Variants in AGPAT4 observed in about 807,000 individuals in gnomAD.
AGPAT4 encodes the protein 1-acyl-sn-glycerol-3-phosphate acyltransferase delta.
AGPAT4 carries 15 observed loss-of-function variants against 48.0 expected under a neutral mutation model. That is an observed-to-expected ratio of 0.31 (90% CI 0.21 to 0.48). The LOEUF (loss-of-function observed/expected upper bound fraction) is 0.48, where lower values mean the gene tolerates loss of function less well. AGPAT4 is among the 20% of genes least tolerant of loss of function. The pLI, the probability that AGPAT4 is intolerant of heterozygous loss-of-function variation, is 0.99. For synonymous variants in AGPAT4, 178 were observed against 198.7 expected (o/e 0.90, Z 0.88); for missense variants, 314 against 482.5 (o/e 0.65, Z 3.27).
chr6:161,227,221 T>C (rs1782004587), intron 2 of AGPAT4, among the ~76,000 whole-genome samples: 1 of 152,198 alleles, frequency 6.6e-6, no homozygotes, highest in African/African-American at 2.4e-5. Context: ...CGGCCTCTAG[T>C]AGGTCTCCTT....
intron 2 of AGPAT4, among the ~76,000 whole-genome samples, chr6:161,199,660 T>G (rs188606991): frequency 1.3e-5 from 2 of 152,244 alleles, no homozygotes; most frequent in Non-Finnish European, 2.9e-5. Flanking sequence ...TGGGGTGGAT[T>G]TCCCCCTTGC....
In AGPAT4 at chr6:161,246,399, T is replaced by C. The variant is rs902043707; in HGVS notation, c.-89-14097A>G. On this transcript the variant is annotated intron_variant, in intron 1 of 8. Transcript: ENST00000320285. This position sits in a 1 kb window ranked among gnomAD's most constrained non-coding sequence, Gnocchi z 5.5. Reference sequence around the variant, plus strand: ...TAACATTGCATTAGACTTCTGAGCATAGGCACAGGGGATTCTTTTTTTTTT... The same window carrying C: ...TAACATTGCATTAGACTTCTGAGCACAGGCACAGGGGATTCTTTTTTTTTT... 2.0e-5 allele frequency among the ~76,000 whole-genome samples: 3 copies of C among 151,390 alleles called. No homozygotes were observed. Among genetic ancestry groups the C allele is most frequent in the Non-Finnish European group, 4.4e-5 (3 of 68,008 alleles).
chr6:161,188,291 T>G (rs543670721), intron 2 of AGPAT4, among the ~76,000 whole-genome samples: 2 of 152,346 alleles, frequency 1.3e-5, no homozygotes, highest in Admixed American at 6.5e-5. Context: ...TAATTTTGTC[T>G]CTCTTCTAGT....
rs558840577 is a variant in AGPAT4 at position 161,254,206 on chromosome 6, C to T, written c.-90+19732G>A. Among the ~76,000 whole-genome samples, 480 of 152,276 alleles carry T rather than the reference C, an allele frequency of 3.2e-3. 2 individuals are homozygous for T. Among genetic ancestry groups the T allele is most frequent in the African/African-American group, 0.011 (449 of 41,538 alleles). ...TTTTCTACTGCATTTTTTAAGATCA[C>T]ATGAGTATGTTAACATATGTCACTT... On this transcript the variant is annotated intron_variant, in intron 1 of 8. Transcript: ENST00000320285. The surrounding 1 kb of genome is among the most constrained non-coding windows in gnomAD (Gnocchi z 5.9).
At chr6:161,192,453 A>G (rs1780954125) in intron 2 of AGPAT4, among the ~76,000 whole-genome samples, 2 of 152,120 alleles carry the variant, frequency 1.3e-5, no homozygotes, top group African/African-American at 4.8e-5. Flanking sequence ...ACCTGGCTGG[A>G]AGTCATATAT....
chr6:161,184,045 A>T lies in AGPAT4; in HGVS notation c.179-17628T>A, dbSNP rs1780692887. Among the ~76,000 whole-genome samples, 1 of 152,126 alleles carries T rather than the reference A, an allele frequency of 6.6e-6. No individual in the cohort carries two copies. Among genetic ancestry groups the T allele is most frequent in the Admixed American group, 6.5e-5 (1 of 15,276 alleles). On this transcript the variant is annotated intron_variant, in intron 2 of 8. Transcript: ENST00000320285. This position sits in a 1 kb window ranked among gnomAD's most constrained non-coding sequence, Gnocchi z 4.8. ...GTATGACTTGATCCACCTGAAATAC[A>T]GTCTACTAGAACCTGTGCCACAAAG...
chr6:161,249,853 T>G lies in AGPAT4; in HGVS notation c.-89-17551A>C, dbSNP rs775604437. On this transcript the variant is annotated intron_variant, in intron 1 of 8. Transcript: ENST00000320285. The surrounding 1 kb of genome is among the most constrained non-coding windows in gnomAD (Gnocchi z 6.2). ...TAAATCGTTCTATCATAAAGACACA[T>G]GCACGCTTATGTTCATTGCAGTACT... 6.6e-6 allele frequency among the ~76,000 whole-genome samples: 1 copy of G among 152,210 alleles called. No individual in the cohort carries two copies. Among genetic ancestry groups the G allele is most frequent in the African/African-American group, 2.4e-5 (1 of 41,452 alleles).
Position 161,232,347 on chromosome 6 carries a change from C to T in AGPAT4, c.-89-45G>A. 3 of 872,924 alleles carry T rather than the reference C, an allele frequency of 3.4e-6. No individual in the cohort carries two copies. Among genetic ancestry groups the T allele is most frequent in the Non-Finnish European group, 5.1e-6 (3 of 588,578 alleles). The allele number at this position is 872,924 out of a possible 1,614,324, so 54.1% of individuals were successfully genotyped here. On this transcript the variant is annotated intron_variant, in intron 1 of 8. Coordinates refer to ENST00000320285, the MANE Select transcript of AGPAT4 (RefSeq NM_020133.3). This position sits in a 1 kb window ranked among gnomAD's most constrained non-coding sequence, Gnocchi z 6.8. ...GAAATGTTAGCAAAAACACGATGTGCTTTTAGAGTCAGAAAAAAAGTGCTC... is the reference window on the plus strand; with the variant it reads ...GAAATGTTAGCAAAAACACGATGTGTTTTTAGAGTCAGAAAAAAAGTGCTC...
chr6:161,224,976 C>T lies in AGPAT4; in HGVS notation c.178+7060G>A, dbSNP rs371108715. ...AACTTCCTCGTAAAGCAACCTGTTT[C>T]GATTACCTGCTCCACCCTGACTCAT... On this transcript the variant is annotated intron_variant, in intron 2 of 8. Coordinates refer to ENST00000320285, the MANE Select transcript of AGPAT4 (RefSeq NM_020133.3). 1.5e-4 allele frequency among the ~76,000 whole-genome samples: 23 copies of T among 152,308 alleles called. No individual in the cohort carries two copies. The East Asian group carries it at 1.7e-3, about 12-fold the overall frequency.
chr6:161,219,923 CAGGCA>C lies in AGPAT4; in HGVS notation c.178+12108_178+12112del, dbSNP rs1781782551. 8.3e-6 allele frequency among the ~76,000 whole-genome samples: 1 copy of C among 121,152 alleles called. No individual in the cohort carries two copies. Among genetic ancestry groups the C allele is most frequent in the Non-Finnish European group, 1.9e-5 (1 of 52,824 alleles). The allele number at this position is 121,152 out of a possible 152,430, so 79.5% of individuals were successfully genotyped here. ...GGCAGGCAGGCAGGCAGGCGGCAGG[CAGGCA>C]GGCAGGCAGGCAGGCAGGCAGACAG... On this transcript the variant is annotated intron_variant, in intron 2 of 8. Coordinates refer to ENST00000320285, the MANE Select transcript of AGPAT4 (RefSeq NM_020133.3). The surrounding 1 kb of genome is among the most constrained non-coding windows in gnomAD (Gnocchi z 4.9).
rs538107732 is a variant in AGPAT4, at chr6:161,141,591, A to T, written c.844-1971T>A. 3.9e-3 allele frequency among the ~76,000 whole-genome samples: 598 copies of T among 151,644 alleles called. 3 individuals carry two copies. The highest frequency in any genetic ancestry group is 0.014 in the African/African-American group (579 of 41,262). On this transcript the variant is annotated intron_variant, in intron 7 of 8. Transcript: ENST00000320285. This position sits in a 1 kb window ranked among gnomAD's most constrained non-coding sequence, Gnocchi z 6.7. Reference sequence around the variant, plus strand: ...TATTTTTGTGCCTTGTTTTTTTTTAAAAAAAAAACAGCTTTCTTAAGATGT... The same window carrying T: ...TATTTTTGTGCCTTGTTTTTTTTTATAAAAAAAACAGCTTTCTTAAGATGT...
At chr6:161,241,195 G>C (rs932611506) in intron 1 of AGPAT4, among the ~76,000 whole-genome samples, 1 of 150,154 alleles carries the variant, frequency 6.7e-6, no homozygotes, top group Non-Finnish European at 1.5e-5. Flanking sequence ...CCCAGGAGGT[G>C]GAGGTTGCAG....
At chr6:161,156,215 T>C (rs1023237665) in intron 3 of AGPAT4, among the ~76,000 whole-genome samples, 1 of 152,188 alleles carries the variant, frequency 6.6e-6, no homozygotes, top group Non-Finnish European at 1.5e-5. Context: ...TACCAGATCT[T>C]GTATAACACT....
In AGPAT4 at chr6:161,157,523, G is replaced by C. The variant is rs183911697; in HGVS notation, c.349-3213C>G. On this transcript the variant is annotated intron_variant, in intron 3 of 8. Coordinates refer to ENST00000320285, the MANE Select transcript of AGPAT4 (RefSeq NM_020133.3). ...ACACAGGGTCTTACCATGTTGGCCA[G>C]GCTAGTCTCTAACTGCTGACCTCAG... Among the ~76,000 whole-genome samples, 952 of 152,284 alleles carry C rather than the reference G, an allele frequency of 6.3e-3. 12 individuals carry two copies. Among genetic ancestry groups the C allele is most frequent in the African/African-American group, 0.022 (907 of 41,572 alleles).
At position 161,154,161 on chromosome 6, in the gene AGPAT4, G is replaced by A. The variant is rs376043705; in HGVS notation, c.498C>T (p.Pro166=). Residue 166 remains proline, a synonymous_variant, in exon 4 of 9, where the codon CCC becomes CCT. Coordinates refer to ENST00000320285, the MANE Select transcript of AGPAT4 (RefSeq NM_020133.3). This position sits in a 1 kb window ranked among gnomAD's most constrained non-coding sequence, Gnocchi z 7.8. The part of the protein sequence containing the change: ...ATSLQHLRDY[P]EKYFFLIHCE... Reference sequence around the variant, plus strand: ...GGTGCCTACATACAAAATACTTCTCGGGGTAGTCCCGGAGGTGCTGCAAAC... The same window carrying A: ...GGTGCCTACATACAAAATACTTCTCAGGGTAGTCCCGGAGGTGCTGCAAAC... The A allele has an allele frequency of 1.9e-5, 30 of 1,613,988 alleles. No individual in the cohort carries two copies. Among genetic ancestry groups the A allele is most frequent in the Admixed American group, 5.0e-5 (3 of 60,002 alleles).
rs1260100486 is a variant in AGPAT4, at chr6:161,131,308, G to C, written c.*5232C>G. On this transcript the variant is annotated 3_prime_UTR_variant, in exon 9 of 9. Coordinates refer to ENST00000320285, the MANE Select transcript of AGPAT4 (RefSeq NM_020133.3). ...ATTCACAACCTTCATATTAAACTAGGATGAGGCTGCAGGAGCTGAGGAAGG... is the reference window on the plus strand; with the variant it reads ...ATTCACAACCTTCATATTAAACTAGCATGAGGCTGCAGGAGCTGAGGAAGG... The C allele has an allele frequency of 6.4e-6, 1 of 157,382 alleles. No individual in the cohort carries two copies. Among genetic ancestry groups the C allele is most frequent in the Non-Finnish European group, 1.4e-5 (1 of 70,972 alleles). 9.7% of individuals were successfully genotyped at this position (157,382 alleles called of 1,614,324 possible).
chr6:161,237,808 C>T (rs1310177354), intron 1 of AGPAT4, among the ~76,000 whole-genome samples: 2 of 152,052 alleles, frequency 1.3e-5, no homozygotes, highest in Non-Finnish European at 1.5e-5. Flanking sequence ...ACTGGACAGA[C>T]TCCATTTCCC....
chr6:161,183,823 A>C (rs1780681774), intron 2 of AGPAT4, among the ~76,000 whole-genome samples: 1 of 150,676 alleles, frequency 6.6e-6, no homozygotes, highest in Non-Finnish European at 1.5e-5. Flanking sequence ...CCTGAGAGAG[A>C]GGGGAGCCAG....
chr6:161,161,733 G>A lies in AGPAT4; in HGVS notation c.348+4515C>T, dbSNP rs1035803441. On this transcript the variant is annotated intron_variant, in intron 3 of 8. Transcript: ENST00000320285. This position sits in a 1 kb window ranked among gnomAD's most constrained non-coding sequence, Gnocchi z 4.6. ...AAAGGCGGTGAAATAATGCTGTGTTGCATGAACACGGTCTCCTAGAGAAAC... is the reference window on the plus strand; with the variant it reads ...AAAGGCGGTGAAATAATGCTGTGTTACATGAACACGGTCTCCTAGAGAAAC... The A allele has an allele frequency of 6.0e-6, 2 of 333,246 alleles. No individual in the cohort carries two copies. The highest frequency in any genetic ancestry group is 4.3e-5 in the African/African-American group (2 of 46,490). 20.6% of individuals were successfully genotyped at this position (333,246 alleles called of 1,614,324 possible). A position where few individuals can be genotyped will look rare whatever the true frequency, so the allele number is the denominator to read the frequency against.
Sources: gnomAD v4.1 joint callset for allele counts (sites outside exome capture counted in the v4.1 genomes callset) on GRCh38, gnomAD v4.1.1 for gene constraint, Gnocchi (gnomAD v3.1) non-coding constraint, MANE v1.5 for transcripts, NCBI Gene and HGNC (gene_info 2026-07-23, HGNC 2026-07-21) for gene names.